Variants in TFDP1 observed in about 807,000 individuals in gnomAD.
TFDP1 encodes DRTF1-polypeptide 1.
In TFDP1, 6 loss-of-function variants were observed where a neutral mutation model predicts 48.0. The ratio of observed to expected loss-of-function variants is 0.13; its 90% CI spans 0.07 to 0.25. TFDP1 has a LOEUF of 0.25. TFDP1 is among the 10% of genes least tolerant of loss of function. The pLI is 1.00. For synonymous variants in TFDP1, 201 were observed against 211.6 expected (o/e 0.95, Z 0.44); for missense variants, 335 against 543.0 (o/e 0.62, Z 3.81).
In TFDP1 at chr13:113,623,038, T is replaced by C. The variant is rs1391747175; in HGVS notation, c.80-142T>C. ...ATCAAGCTTCATGGAGGTGTTGCTCTTGAGCCCTGGATTTGAGACAGTACA... is the reference window on the plus strand; with the variant it reads ...ATCAAGCTTCATGGAGGTGTTGCTCCTGAGCCCTGGATTTGAGACAGTACA... On this transcript the variant is annotated intron_variant, in intron 3 of 11. Transcript: ENST00000375370. The surrounding 1 kb of genome is among the most constrained non-coding windows in gnomAD (Gnocchi z 5.2). 1 of 740,940 alleles carries C rather than the reference T, an allele frequency of 1.3e-6. No homozygotes were observed. Among genetic ancestry groups the C allele is most frequent in the African/African-American group, 1.8e-5 (1 of 56,696 alleles). The allele number at this position is 740,940 out of a possible 1,614,324, so 45.9% of individuals were successfully genotyped here.
chr13:113,624,809 T>C (rs113649220), intron 4 of TFDP1, among the ~76,000 whole-genome samples: 2,983 of 134,348 alleles, frequency 0.022, 125 homozygotes, highest in African/African-American at 0.081. Context: ...CCTCAGGTGT[T>C]TCTCAGGTGT....
Position 113,640,555 on chromosome 13 carries a change from C to G in TFDP1, c.*288C>G, listed in dbSNP as rs1367787069. 3.1e-6 allele frequency: 1 copy of G among 322,642 alleles called. No homozygotes were observed. The highest frequency in any genetic ancestry group is 5.5e-6 in the Non-Finnish European group (1 of 182,142). The allele number at this position is 322,642 out of a possible 1,614,324, so 20.0% of individuals were successfully genotyped here. ...TTAAGTGCAGAGTTCATTTTTGCCC[C>G]TGAAAAGTTTTTGCTGAGTTTGCTG... On this transcript the variant is annotated 3_prime_UTR_variant, in exon 12 of 12. Transcript: ENST00000375370.
At chr13:113,637,055 C>A in intron 10 of TFDP1, 1 of 212,026 alleles carries the variant, frequency 4.7e-6, no homozygotes. Context: ...CTGATCCCAC[C>A]CACTGATGGT....
rs2048899590 is a variant in TFDP1 at position 113,617,767 on chromosome 13, T to G, written c.80-5413T>G. Among the ~76,000 whole-genome samples the G allele has an allele frequency of 1.3e-5, 2 of 152,246 alleles. 1 individual carries two copies. Among genetic ancestry groups the G allele is most frequent in the African/African-American group, 4.8e-5 (2 of 41,450 alleles). On this transcript the variant is annotated intron_variant, in intron 3 of 11. Transcript: ENST00000375370. ...AGCATGGTGGGCAAAATAGTAACTC[T>G]TAGACATCTGGCTCTGACAACGTAA...
chr13:113,638,131 TA>T (rs1400022168), intron 11 of TFDP1, among the ~76,000 whole-genome samples: 1 of 152,202 alleles, frequency 6.6e-6, no homozygotes, highest in Non-Finnish European at 1.5e-5. Flanking sequence ...TTTTTCATAG[TA>T]TCACCTAATA....
rs1017596547 is a variant in TFDP1 at position 113,623,576 on chromosome 13, C to T, written c.186+290C>T. On this transcript the variant is annotated intron_variant, in intron 4 of 11. Coordinates refer to ENST00000375370, the MANE Select transcript of TFDP1 (RefSeq NM_007111.5). The surrounding 1 kb of genome is among the most constrained non-coding windows in gnomAD (Gnocchi z 5.2). ...TGGTGGGTGGGGCCGCGGCCCCAACCAGAGGCAGCTTCCTTTTAGTGTCAG... is the reference window on the plus strand; with the variant it reads ...TGGTGGGTGGGGCCGCGGCCCCAACTAGAGGCAGCTTCCTTTTAGTGTCAG... Among the ~76,000 whole-genome samples the T allele has an allele frequency of 2.4e-4, 37 of 152,264 alleles. No individual in the cohort carries two copies. The highest frequency in any genetic ancestry group is 8.4e-4 in the African/African-American group (35 of 41,556).
upstream of TFDP1, chr13:113,584,727 C>T (rs1194526313): frequency 6.8e-6 from 1 of 147,092 alleles, no homozygotes; most frequent in East Asian, 2.0e-4. Context: ...GACGCTCGGC[C>T]AGGGTGAGCC....
At position 113,615,244 on chromosome 13, in the gene TFDP1, CTT is replaced by C. The variant is rs566697285; in HGVS notation, c.79+4184_79+4185del. On this transcript the variant is annotated intron_variant, in intron 3 of 11. Coordinates refer to ENST00000375370, the MANE Select transcript of TFDP1 (RefSeq NM_007111.5). The stretch of plus-strand genomic sequence containing the variant: ...GCTGGTGTGAACATTTGCACACACA[CTT>C]TGTGTGTCTGGCAGTTCCACTTCCT... Among the ~76,000 whole-genome samples the C allele has an allele frequency of 2.9e-3, 442 of 152,264 alleles. 1 individual carries two copies. Among genetic ancestry groups the C allele is most frequent in the African/African-American group, 0.01 (421 of 41,502 alleles).
At chr13:113,625,622 T>C (rs1204891559) in intron 4 of TFDP1, among the ~76,000 whole-genome samples, 4 of 76,592 alleles carry the variant, frequency 5.2e-5, no homozygotes, top group African/African-American at 1.4e-4. Context: ...GTCTCTCACG[T>C]GTCCTCAGGC....
intron 7 of TFDP1, 143 bp downstream of exon 7, chr13:113,634,176 T>G: frequency 8.4e-7 from 1 of 1,189,760 alleles, no homozygotes; most frequent in Non-Finnish European, 1.2e-6. Flanking sequence ...GACGTCTCCC[T>G]GCGTTTCTCA....
Position 113,634,595 on chromosome 13 carries a change from T to C in TFDP1, c.680T>C (p.Ile227Thr), listed in dbSNP as rs992420017. The C allele has an allele frequency of 1.2e-6, 2 of 1,611,936 alleles. No homozygotes were observed. The highest frequency in any genetic ancestry group is 1.7e-6 in the Non-Finnish European group (2 of 1,178,858). The change falls in exon 8 of 12, where the codon ATT (isoleucine) becomes ACT (threonine). Residue 227 changes from isoleucine (I) to threonine (T), a missense_variant. Ile to Thr is a moderately conservative substitution (Grantham distance 89, BLOSUM62 -1). This residue lies in a region of TFDP1 where 204 missense variants were observed against 287.1 expected (regional missense o/e 0.71). Transcript: ENST00000375370. ...KQKQSQLQELILQQIAFKNLV... is the reference protein window; with the variant it reads ...KQKQSQLQELTLQQIAFKNLV... The stretch of plus-strand genomic sequence containing the variant: ...AAACAGTCTCAACTTCAAGAACTTA[T>C]TCTACAGGTAAGAGAATACGTATCT...
chr13:113,607,871 G>A lies in TFDP1; in HGVS notation c.13-3125G>A, dbSNP rs545447778. Among the ~76,000 whole-genome samples, 1 of 152,372 alleles carries A rather than the reference G, an allele frequency of 6.6e-6. No homozygotes were observed. The highest frequency in any genetic ancestry group is 2.1e-4 in the South Asian group (1 of 4,826). On this transcript the variant is annotated intron_variant, in intron 2 of 11. Transcript: ENST00000375370. This position sits in a 1 kb window ranked among gnomAD's most constrained non-coding sequence, Gnocchi z 5.2. ...CTGACCACCAAGTCGACGGGGCAGA[G>A]TGAGAAACATCCAGGCCACCTGTGC...
At chr13:113,634,192 G>C (rs1170257013) in intron 7 of TFDP1, 159 bp downstream of exon 7, 1 of 1,026,718 alleles carries the variant, frequency 9.7e-7, no homozygotes, top group Non-Finnish European at 1.5e-6. Flanking sequence ...TCTCAGTCTT[G>C]GCTGTCAGGG....
At chr13:113,606,097 G>A (rs1365040247) in intron 2 of TFDP1, among the ~76,000 whole-genome samples, 1 of 140,418 alleles carries the variant, frequency 7.1e-6, no homozygotes, top group East Asian at 2.3e-4. Flanking sequence ...AGGGGATCCT[G>A]TGGGAAGGCG....
chr13:113,602,456 A>G (rs1447943557), intron 2 of TFDP1, among the ~76,000 whole-genome samples: 1 of 150,712 alleles, frequency 6.6e-6, no homozygotes, highest in East Asian at 1.9e-4. Flanking sequence ...GGCGGGGCCC[A>G]TCCCAGCTGC....
At position 113,607,221 on chromosome 13, in the gene TFDP1, G is replaced by A. The variant is rs979743927; in HGVS notation, c.13-3775G>A. Among the ~76,000 whole-genome samples the A allele has an allele frequency of 1.2e-4, 19 of 152,220 alleles. No homozygotes were observed. Among genetic ancestry groups the A allele is most frequent in the Non-Finnish European group, 2.5e-4 (17 of 68,042 alleles). ...TGCTGCGGCTGAGACAGCGCAGGGC[G>A]TCATTCATCCCCCTGCCTCCTGAGC... On this transcript the variant is annotated intron_variant, in intron 2 of 11. Coordinates refer to ENST00000375370, the MANE Select transcript of TFDP1 (RefSeq NM_007111.5). The surrounding 1 kb of genome is among the most constrained non-coding windows in gnomAD (Gnocchi z 5.2).
intron 3 of TFDP1, among the ~76,000 whole-genome samples, chr13:113,617,449 C>G (rs12871471): frequency 6.7e-6 from 1 of 149,666 alleles, no homozygotes; most frequent in Non-Finnish European, 1.5e-5. Context: ...CCTGCAGAGC[C>G]GCTCACCTGC....
intron 2 of TFDP1, among the ~76,000 whole-genome samples, chr13:113,587,886 T>A (rs1212144173): frequency 6.6e-6 from 1 of 152,134 alleles, no homozygotes; most frequent in Non-Finnish European, 1.5e-5. Flanking sequence ...GAGACGGAGT[T>A]TTGCTTGTTG....
At chr13:113,612,373 T>TG (rs1387467185) in intron 3 of TFDP1, among the ~76,000 whole-genome samples, 1 of 152,234 alleles carries the variant, frequency 6.6e-6, no homozygotes, top group East Asian at 1.9e-4. Context: ...CTGGCCCTGC[T>TG]CTTCTGCTGA....
Sources: gnomAD v4.1 joint callset for allele counts (sites outside exome capture counted in the v4.1 genomes callset) on GRCh38, gnomAD v4.1.1 for gene constraint, gnomAD v4.1.1 regional missense constraint, Gnocchi (gnomAD v3.1) non-coding constraint, MANE v1.5 for transcripts, NCBI Gene and HGNC (gene_info 2026-07-23, HGNC 2026-07-21) for gene names.